ZC3H3: variants seen among roughly 807,000 people sequenced by gnomAD.
ZC3H3 encodes the protein zinc finger CCCH-type containing 3, also known as zinc finger CCCH domain-containing protein 3.
Under a neutral mutation model 77.3 loss-of-function variants are expected in ZC3H3, and 36 were observed. The ratio of observed to expected loss-of-function variants is 0.47; its 90% CI spans 0.36 to 0.61. ZC3H3 has a LOEUF of 0.61. ZC3H3 is among the 20% of genes least tolerant of loss of function. The pLI is 0.00. For synonymous variants in ZC3H3, 626 were observed against 555.2 expected, an observed-to-expected ratio of 1.13 and a Z score of -1.79; for missense variants, 1,331 against 1,312.2, an observed-to-expected ratio of 1.01 and a Z score of -0.22.
At chr8:143,467,758 C>T (rs1356348993) in intron 8 of ZC3H3, among the ~76,000 whole-genome samples, 3 of 151,872 alleles carry the variant, frequency 2.0e-5, no homozygotes, top group Non-Finnish European at 4.4e-5. Flanking sequence ...AGCTGTTCTC[C>T]CTCCAGCCCC....
intron 4 of ZC3H3, among the ~76,000 whole-genome samples, chr8:143,485,143 C>T (rs1178375987): frequency 6.6e-6 from 1 of 152,178 alleles, no homozygotes; most frequent in Non-Finnish European, 1.5e-5. Context: ...GGGCGCCGGG[C>T]CAACATGTGG....
At chr8:143,457,213 C>A (rs1468058511) in intron 9 of ZC3H3, among the ~76,000 whole-genome samples, 1 of 152,148 alleles carries the variant, frequency 6.6e-6, no homozygotes, top group Admixed American at 6.5e-5. Flanking sequence ...CCGTGAGAAA[C>A]TCAGAATTAA....
intron 1 of ZC3H3, 130 bp downstream of exon 1, chr8:143,541,246 C>A: frequency 6.6e-7 from 1 of 1,511,576 alleles, no homozygotes. Flanking sequence ...GCGGACCCTA[C>A]CGTCCCCCAC....
At chr8:143,522,564 C>T (rs950401325) in intron 3 of ZC3H3, among the ~76,000 whole-genome samples, 14 of 152,110 alleles carry the variant, frequency 9.2e-5, no homozygotes, top group Admixed American at 9.2e-4. Context: ...GACTGTGCCG[C>T]TGCACACTCC....
At chr8:143,518,437 T>C (rs2130456368) in intron 3 of ZC3H3, among the ~76,000 whole-genome samples, 1 of 152,326 alleles carries the variant, frequency 6.6e-6, no homozygotes, top group African/African-American at 2.4e-5. Flanking sequence ...GAAAGACTCT[T>C]TGGAGAGAGT....
intron 4 of ZC3H3, among the ~76,000 whole-genome samples, chr8:143,491,894 C>T (rs557632134): frequency 1.1e-4 from 16 of 152,304 alleles, no homozygotes; most frequent in Non-Finnish European, 2.1e-4. Flanking sequence ...GCACCTACTC[C>T]TTTTGGCCTC....
At position 143,452,222 on chromosome 8, in the gene ZC3H3, A is replaced by T. The variant is rs114851734; in HGVS notation, c.2308-11102T>A. 9.2e-3 allele frequency among the ~76,000 whole-genome samples: 1,401 copies of T among 152,346 alleles called. 25 individuals are homozygous for T. The highest frequency in any genetic ancestry group is 0.032 in the African/African-American group (1,316 of 41,594). On this transcript the variant is annotated intron_variant, in intron 9 of 11. Transcript: ENST00000262577. ...CTTGCCGGGGTGGTGAAAAGCCAGG[A>T]CATTCACCCCTTCTCCATCCCCCAC...
chr8:143,516,525 T>TCACACACACACACA (rs57359541), intron 3 of ZC3H3, among the ~76,000 whole-genome samples: 2 of 139,918 alleles, frequency 1.4e-5, no homozygotes, highest in Non-Finnish European at 3.1e-5. Flanking sequence ...AACTTTGCAA[T>TCACACACACACACA]CACACACACA....
intron 4 of ZC3H3, among the ~76,000 whole-genome samples, chr8:143,496,677 G>GT: frequency 6.6e-6 from 1 of 152,204 alleles, no homozygotes; most frequent in East Asian, 1.9e-4. Context: ...CAGAAGTCCG[G>GT]TAAGAAACAG....
intron 1 of ZC3H3, among the ~76,000 whole-genome samples, chr8:143,540,878 C>T (rs2130533405): frequency 6.6e-6 from 1 of 152,166 alleles, no homozygotes; most frequent in African/African-American, 2.4e-5. Context: ...ATCACTCGAA[C>T]CCAGGATGAG....
At chr8:143,478,235 T>G (rs1820797592) in intron 4 of ZC3H3, among the ~76,000 whole-genome samples, 1 of 152,172 alleles carries the variant, frequency 6.6e-6, no homozygotes, top group Non-Finnish European at 1.5e-5. Flanking sequence ...GAGGCTCACA[T>G]GGGGACAGGC....
In ZC3H3 at chr8:143,438,083, C is replaced by T; in HGVS notation, c.2820G>A (p.Lys940=). ...ACAGACGTGGTTTGATGTGCAGAGG[C>T]TTCCCTATGCAAAGAGGGCAAAAGT... is the stretch of plus-strand genomic sequence containing the variant. ...PRAPLTKDSG[K]PLHIKPRL Residue 940 remains lysine, a synonymous_variant, in exon 12 of 12, where the codon AAG becomes AAA. Coordinates refer to ENST00000262577, the MANE Select transcript of ZC3H3 (RefSeq NM_015117.3). 2 of 1,610,498 alleles carry T rather than the reference C, an allele frequency of 1.2e-6. No individual in the cohort carries two copies. Among genetic ancestry groups the T allele is most frequent in the Non-Finnish European group, 1.7e-6 (2 of 1,178,614 alleles).
At chr8:143,535,757 C>T (rs1822774842) in intron 3 of ZC3H3, among the ~76,000 whole-genome samples, 1 of 152,238 alleles carries the variant, frequency 6.6e-6, no homozygotes, top group Non-Finnish European at 1.5e-5. Context: ...TGACTGGGCA[C>T]ACTTAGAGTG....
chr8:143,476,297 G>A (rs1009674090), intron 4 of ZC3H3, among the ~76,000 whole-genome samples: 2 of 152,218 alleles, frequency 1.3e-5, no homozygotes, highest in South Asian at 4.1e-4. Flanking sequence ...GGCTGTTTGA[G>A]GGAAATGCTG....
At chr8:143,438,914 C>CGCTCCAGCAGCA (rs1395095944) in intron 11 of ZC3H3, among the ~76,000 whole-genome samples, 1 of 152,190 alleles carries the variant, frequency 6.6e-6, no homozygotes, top group African/African-American at 2.4e-5. Context: ...CTGCGGTGGC[C>CGCTCCAGCAGCA]GCTCCAGCAG....
chr8:143,518,604 G>A (rs569570070), intron 3 of ZC3H3, among the ~76,000 whole-genome samples: 7 of 152,368 alleles, frequency 4.6e-5, no homozygotes, highest in East Asian at 3.9e-4. Flanking sequence ...TGGGCAGGCC[G>A]CAGAGGGGAG....
In ZC3H3 at chr8:143,529,154, G is replaced by A. The variant is rs551703175; in HGVS notation, c.1561+7103C>T. Among the ~76,000 whole-genome samples the A allele has an allele frequency of 7.2e-5, 11 of 152,322 alleles. No homozygotes were observed. The South Asian group carries it at 1.4e-3, about 20-fold the overall frequency. On this transcript the variant is annotated intron_variant, in intron 3 of 11. Coordinates refer to ENST00000262577, the MANE Select transcript of ZC3H3 (RefSeq NM_015117.3). ...AGGTTGGGCCTGGTTGGAGCAAGCC[G>A]GGCCTTCGAGGTGGGGCAGGGCCAG... is the stretch of plus-strand genomic sequence containing the variant.
In ZC3H3 at chr8:143,460,966, G is replaced by C. The variant is rs1037843358; in HGVS notation, c.2307+4751C>G. Reference sequence around the variant, plus strand: ...ACTAGGGTTTGGGAAGCGGGGAGTGGAGAGTCATTGCTGAATACTCAGTGT... The same window carrying C: ...ACTAGGGTTTGGGAAGCGGGGAGTGCAGAGTCATTGCTGAATACTCAGTGT... On this transcript the variant is annotated intron_variant, in intron 9 of 11. Coordinates refer to ENST00000262577, the MANE Select transcript of ZC3H3 (RefSeq NM_015117.3). This position sits in a 1 kb window ranked among gnomAD's most constrained non-coding sequence, Gnocchi z 4.0. Among the ~76,000 whole-genome samples, 14 of 152,194 alleles carry C rather than the reference G, an allele frequency of 9.2e-5. No individual in the cohort carries two copies. Among genetic ancestry groups the C allele is most frequent in the Non-Finnish European group, 1.8e-4 (12 of 68,044 alleles).
intron 3 of ZC3H3, among the ~76,000 whole-genome samples, chr8:143,526,865 G>A (rs114145170): frequency 0.017 from 2,652 of 152,278 alleles, 81 homozygotes; most frequent in African/African-American, 0.061. Flanking sequence ...GGCTGGCAGA[G>A]CCATGCCCCC....
Sources: gnomAD v4.1 joint callset for allele counts (sites outside exome capture counted in the v4.1 genomes callset) on GRCh38, gnomAD v4.1.1 for gene constraint, Gnocchi (gnomAD v3.1) non-coding constraint, MANE v1.5 for transcripts, NCBI Gene and HGNC (gene_info 2026-07-23, HGNC 2026-07-21) for gene names.